EBF3: variants seen among roughly 807,000 people sequenced by gnomAD.
EBF3 encodes the protein transcription factor COE3.
A neutral mutation model predicts 77.1 loss-of-function variants in EBF3; 18 were observed. The observed-to-expected ratio is 0.23, with a 90% confidence interval of 0.16 to 0.35. EBF3 has a LOEUF of 0.35. Ranked by LOEUF, EBF3 falls within the 10% of genes least tolerant of loss-of-function variation. The pLI is 1.00. For missense variants in EBF3, 558 were observed against 860.0 expected, an observed-to-expected ratio of 0.65 and a Z score of 4.39; for synonymous variants, 350 against 343.5, an observed-to-expected ratio of 1.02 and a Z score of -0.21.
At chr10:129,912,097 G>A (rs1746662384) in intron 6 of EBF3, among the ~76,000 whole-genome samples, 1 of 152,190 alleles carries the variant, frequency 6.6e-6, no homozygotes, top group Non-Finnish European at 1.5e-5. Flanking sequence ...AGGAGCAACT[G>A]CCCCACCACC....
In EBF3 at chr10:129,935,066, G is replaced by A. The variant is rs149240948; in HGVS notation, c.554+22192C>T. Among the ~76,000 whole-genome samples, 55 of 152,288 alleles carry A rather than the reference G, an allele frequency of 3.6e-4. No homozygotes were observed. The highest frequency in any genetic ancestry group is 1.3e-3 in the African/African-American group (53 of 41,562). ...GTACATCCCAAATATCTCATGGGAT[G>A]TACTCATCCTAACACATTAGCTGTA... On this transcript the variant is annotated intron_variant, in intron 6 of 16. Coordinates refer to ENST00000440978, the MANE Select transcript of EBF3 (RefSeq NM_001375380.1). The surrounding 1 kb of genome is among the most constrained non-coding windows in gnomAD (Gnocchi z 4.2).
chr10:129,951,556 T>C (rs763402569), intron 6 of EBF3, among the ~76,000 whole-genome samples: 22 of 152,224 alleles, frequency 1.4e-4, no homozygotes, highest in Non-Finnish European at 2.2e-4. Context: ...GAAGTCATTG[T>C]GGGTGTGTAG....
chr10:129,960,917 C>T (rs1378924947), intron 4 of EBF3, among the ~76,000 whole-genome samples: 1 of 152,048 alleles, frequency 6.6e-6, no homozygotes, highest in Non-Finnish European at 1.5e-5. Flanking sequence ...TTCTCTGAAT[C>T]GAGTGAAATA....
intron 6 of EBF3, among the ~76,000 whole-genome samples, chr10:129,927,249 A>T (rs1261137707): frequency 1.3e-5 from 2 of 152,340 alleles, no homozygotes; most frequent in South Asian, 2.1e-4. Flanking sequence ...CACCAGCATG[A>T]CGTGGGCTTG....
intron 6 of EBF3, among the ~76,000 whole-genome samples, chr10:129,911,298 A>T (rs1855508636): frequency 1.3e-5 from 2 of 152,190 alleles, no homozygotes; most frequent in African/African-American, 4.8e-5. Context: ...AGGCCTTCTC[A>T]TCCCACAGCC....
At position 129,842,168 on chromosome 10, in the gene EBF3, G is replaced by A; in HGVS notation, c.1320C>T (p.Phe440=). The A allele has an allele frequency of 1.2e-6, 2 of 1,614,262 alleles. No homozygotes were observed. Among genetic ancestry groups the A allele is most frequent in the Non-Finnish European group, 8.5e-7 (1 of 1,180,050 alleles). The stretch of plus-strand genomic sequence containing the variant: ...ACACGTTGACGGCTAGCTGGCTGCT[G>A]AAGGAGTTGACGCCCATCATGCCCG... ...AHTGMMGVNS[F]SSQLAVNVSE... Residue 440 remains phenylalanine, a synonymous_variant, in exon 13 of 17, where the codon TTC becomes TTT. Transcript: ENST00000440978. The surrounding 1 kb of genome is among the most constrained non-coding windows in gnomAD (Gnocchi z 4.4).
chr10:129,865,476 T>C (rs188599003), intron 10 of EBF3, among the ~76,000 whole-genome samples: 84 of 152,330 alleles, frequency 5.5e-4, no homozygotes, highest in Middle Eastern at 3.4e-3. Flanking sequence ...ACCTCCCCTG[T>C]GGTCTTCTGG....
At chr10:129,904,003 A>AG (rs1191177356) in intron 6 of EBF3, among the ~76,000 whole-genome samples, 1 of 152,310 alleles carries the variant, frequency 6.6e-6, no homozygotes, top group East Asian at 1.9e-4. Context: ...CTCTCAGAAG[A>AG]GGGGGTCACA....
At position 129,863,601 on chromosome 10, in the gene EBF3, C is replaced by G. The variant is rs895301855; in HGVS notation, c.1039+3540G>C. Among the ~76,000 whole-genome samples the G allele has an allele frequency of 6.6e-6, 1 of 152,332 alleles. No homozygotes were observed. The highest frequency in any genetic ancestry group is 6.5e-5 in the Admixed American group (1 of 15,308). ...GGGAAGGTTAAATGTGAGGGTGTCC[C>G]GGCAGCCTCCGGGGCTGGGGGACAC... On this transcript the variant is annotated intron_variant, in intron 10 of 16. Transcript: ENST00000440978. This position sits in a 1 kb window ranked among gnomAD's most constrained non-coding sequence, Gnocchi z 4.0.
intron 6 of EBF3, among the ~76,000 whole-genome samples, chr10:129,949,308 C>T (rs896540439): frequency 5.3e-5 from 8 of 152,146 alleles, no homozygotes; most frequent in Non-Finnish European, 8.8e-5. Context: ...GTCTCAAAAA[C>T]ACACACAGAA....
At chr10:129,909,403 T>C (rs1271761527) in intron 6 of EBF3, among the ~76,000 whole-genome samples, 2 of 152,228 alleles carry the variant, frequency 1.3e-5, no homozygotes. Flanking sequence ...ACAACCTCTC[T>C]GGCCTCCAGT....
At position 129,935,554 on chromosome 10, in the gene EBF3, T is replaced by C. The variant is rs1007122964; in HGVS notation, c.554+21704A>G. Among the ~76,000 whole-genome samples, 1 of 152,104 alleles carries C rather than the reference T, an allele frequency of 6.6e-6. No individual in the cohort carries two copies. On this transcript the variant is annotated intron_variant, in intron 6 of 16. Transcript: ENST00000440978. The surrounding 1 kb of genome is among the most constrained non-coding windows in gnomAD (Gnocchi z 4.2). ...AACTGCGGAGCACCAAGCACCCATA[T>C]GTAAGGCATGGGGTTAGATACATGC...
rs1022550729 is a variant in EBF3 at position 129,862,861 on chromosome 10, G to A, written c.1039+4280C>T. On this transcript the variant is annotated intron_variant, in intron 10 of 16. Transcript: ENST00000440978. ...TCTTAACCATTTGATGCGTTTCTAC[G>A]GGTGAAATTATAAATGCGAAACTGC... Among the ~76,000 whole-genome samples the A allele has an allele frequency of 2.6e-5, 4 of 152,148 alleles. 1 individual carries two copies. The South Asian group carries it at 6.2e-4, about 24-fold the overall frequency.
chr10:129,951,544 C>T (rs369538736), intron 6 of EBF3, among the ~76,000 whole-genome samples: 8 of 152,362 alleles, frequency 5.3e-5, no homozygotes, highest in Admixed American at 2.6e-4. Flanking sequence ...GAGAGTGATG[C>T]GGAAGTCATT....
At chr10:129,956,082 T>C (rs1296980343) in intron 6 of EBF3, among the ~76,000 whole-genome samples, 1 of 152,224 alleles carries the variant, frequency 6.6e-6, no homozygotes, top group Non-Finnish European at 1.5e-5. Context: ...TGATTACTAA[T>C]AAGAGAGCTG....
chr10:129,942,778 A>C (rs149010037), intron 6 of EBF3, among the ~76,000 whole-genome samples: 267 of 152,332 alleles, frequency 1.8e-3, no homozygotes, highest in African/African-American at 6.2e-3. Context: ...AATCAATAAA[A>C]AATTGTATTA....
chr10:129,867,682 T>G (rs1179338850), intron 9 of EBF3, 100 bp downstream of exon 9: 1 of 1,551,652 alleles, frequency 6.4e-7, no homozygotes, highest in African/African-American at 1.3e-5. Flanking sequence ...AAAAGGGGAA[T>G]TTGCCATAGG....
chr10:129,886,719 G>C (rs996561046), intron 6 of EBF3, among the ~76,000 whole-genome samples: 7 of 152,106 alleles, frequency 4.6e-5, no homozygotes, highest in African/African-American at 1.7e-4. Context: ...CCGACATTCA[G>C]AGCTGACTGG....
chr10:129,905,002 T>C (rs1855040075), intron 6 of EBF3, among the ~76,000 whole-genome samples: 2 of 152,066 alleles, frequency 1.3e-5, no homozygotes, highest in South Asian at 2.1e-4. Flanking sequence ...ACCATGTCCA[T>C]GAGATAACCA....
Sources: allele counts gnomAD v4.1 joint callset (sites outside exome capture counted in the v4.1 genomes callset), GRCh38; gene constraint gnomAD v4.1.1; non-coding constraint Gnocchi (gnomAD v3.1); transcripts MANE v1.5; gene names NCBI Gene and HGNC (gene_info 2026-07-23, HGNC 2026-07-21).